Variants in LARGE1 observed in about 807,000 individuals in gnomAD.
LARGE1 encodes the protein LARGE xylosyl- and glucuronyltransferase 1.
LARGE1 carries 43 observed loss-of-function variants against 87.6 expected under a neutral mutation model. The observed-to-expected ratio is 0.49, with a 90% confidence interval of 0.38 to 0.63. LARGE1 has a LOEUF of 0.63. Ranked by LOEUF, LARGE1 falls within the 30% of genes least tolerant of loss-of-function variation. The probability of loss-of-function intolerance (pLI) is 0.00; values close to 1 mark genes in which losing one functional copy is unlikely to be tolerated. For synonymous variants in LARGE1, 434 were observed against 394.6 expected (o/e 1.10, Z -1.18); for missense variants, 802 against 1,000.2 (o/e 0.80, Z 2.67).
rs372362924 is a variant in LARGE1 at position 33,738,841 on chromosome 22, T to C, written c.106+22530A>G. Among the ~76,000 whole-genome samples the C allele has an allele frequency of 9.6e-5, 13 of 135,494 alleles. No homozygotes were observed. In the East Asian group the frequency reaches 2.3e-3, roughly 24 times the overall value. The allele number at this position is 135,494 out of a possible 152,430, so 88.9% of individuals were successfully genotyped here. A position where few individuals can be genotyped will look rare whatever the true frequency, so the allele number is the denominator to read the frequency against. On this transcript the variant is annotated intron_variant, in intron 2 of 14. Coordinates refer to ENST00000397394, the MANE Select transcript of LARGE1 (RefSeq NM_133642.5). ...GCCTGGGTGACAGAGCGAGACTCCG[T>C]CTCAAAAAAAAAAAAAAAAAGAGAG...
intron 2 of LARGE1, among the ~76,000 whole-genome samples, chr22:33,678,113 C>G (rs2081637030): frequency 6.6e-6 from 1 of 152,184 alleles, no homozygotes; most frequent in Non-Finnish European, 1.5e-5. Context: ...GACGTATTTA[C>G]TCAATTCAGA....
intron 1 of LARGE1, among the ~76,000 whole-genome samples, chr22:33,858,279 C>A (rs547676231): frequency 1.3e-5 from 2 of 152,298 alleles, no homozygotes; most frequent in African/African-American, 4.8e-5. Flanking sequence ...AGCGGCAGGT[C>A]TGTGACTGTG....
At chr22:33,383,769 G>A (rs757949240) in intron 8 of LARGE1, among the ~76,000 whole-genome samples, 15 of 152,170 alleles carry the variant, frequency 9.9e-5, no homozygotes, top group Non-Finnish European at 1.9e-4. Context: ...GGAGGCCAGT[G>A]AAACCTTGCC....
At chr22:33,762,329 C>T (rs1228704054) in intron 1 of LARGE1, among the ~76,000 whole-genome samples, 3 of 150,628 alleles carry the variant, frequency 2.0e-5, no homozygotes, top group Admixed American at 2.0e-4. Context: ...CTGAGATGTG[C>T]ATGGACCACT....
chr22:33,757,659 C>CA (rs1374336979), intron 2 of LARGE1, among the ~76,000 whole-genome samples: 1 of 152,134 alleles, frequency 6.6e-6, no homozygotes, highest in Non-Finnish European at 1.5e-5. Context: ...TGATATTAAA[C>CA]AGAGTCAAAA....
At chr22:33,079,330 C>T in the LARGE1 span, among the ~76,000 whole-genome samples, 2 of 150,812 alleles carry the variant, frequency 1.3e-5, no homozygotes, top group Admixed American at 6.6e-5. Flanking sequence ...TGGGTTCACG[C>T]CATTCTCCTG....
intron 7 of LARGE1, among the ~76,000 whole-genome samples, chr22:33,413,082 T>C (rs564766324): frequency 4.6e-5 from 7 of 152,326 alleles, no homozygotes; most frequent in African/African-American, 1.7e-4. Context: ...TCTAGACTAT[T>C]TTTGTCCTTT....
chr22:33,321,082 T>C (rs376974855), intron 10 of LARGE1: 2 of 152,240 alleles, frequency 1.3e-5, no homozygotes, highest in South Asian at 2.1e-4. Flanking sequence ...TTCAGGGTCC[T>C]CAGCTGTAAA....
At chr22:33,246,595 G>A (rs768691552) in intron 11 of LARGE1, among the ~76,000 whole-genome samples, 9 of 152,114 alleles carry the variant, frequency 5.9e-5, no homozygotes, top group Non-Finnish European at 1.0e-4. Context: ...GCAGTGAGCC[G>A]AGATCGCACC....
At chr22:33,785,295 GTA>G (rs913748758) in intron 1 of LARGE1, among the ~76,000 whole-genome samples, 2 of 151,574 alleles carry the variant, frequency 1.3e-5, no homozygotes, top group South Asian at 4.2e-4. Flanking sequence ...GTATATATGT[GTA>G]TATATATACA....
chr22:33,643,997 G>C (rs572092294), intron 3 of LARGE1, among the ~76,000 whole-genome samples: 4 of 152,142 alleles, frequency 2.6e-5, no homozygotes, highest in Non-Finnish European at 5.9e-5. Flanking sequence ...AGAGGAGCTG[G>C]TGCCATTCCT....
intron 1 of LARGE1, among the ~76,000 whole-genome samples, chr22:33,817,123 C>A (rs1335030732): frequency 1.3e-5 from 2 of 152,166 alleles, no homozygotes; most frequent in Admixed American, 1.3e-4. Context: ...TACATACAAT[C>A]AAATATATAC....
Position 33,790,555 on chromosome 22 carries a change from T to C in LARGE1, c.-82-28997A>G, listed in dbSNP as rs182562460. Among the ~76,000 whole-genome samples the C allele has an allele frequency of 3.9e-5, 6 of 152,314 alleles. No individual in the cohort carries two copies. The East Asian group carries it at 1.2e-3, about 29-fold the overall frequency. On this transcript the variant is annotated intron_variant, in intron 1 of 14. Transcript: ENST00000397394. ...CAAAAGCCAATATATATTTGTTAAG[T>C]GAATAAAAGAAAACTAAGATGGTTC...
At chr22:33,348,276 A>AC (rs1300424882) in intron 9 of LARGE1, among the ~76,000 whole-genome samples, 223 of 89,000 alleles carry the variant, frequency 2.5e-3, no homozygotes, top group South Asian at 0.011. Flanking sequence ...CCGCTCCCCC[A>AC]CCCACCCCCC....
intron 11 of LARGE1, among the ~76,000 whole-genome samples, chr22:33,314,624 T>C (rs1935957751): frequency 6.6e-6 from 1 of 152,124 alleles, no homozygotes; most frequent in Non-Finnish European, 1.5e-5. Context: ...CTTAGAACAA[T>C]CCCATGGAAT....
chr22:33,604,158 A>G (rs1228542882), intron 5 of LARGE1, among the ~76,000 whole-genome samples: 1 of 152,152 alleles, frequency 6.6e-6, no homozygotes, highest in Non-Finnish European at 1.5e-5. Flanking sequence ...GCTACCATAG[A>G]CCACTTTCAG....
the LARGE1 span, among the ~76,000 whole-genome samples, chr22:33,130,965 C>T: frequency 7.4e-6 from 1 of 135,728 alleles, no homozygotes; most frequent in African/African-American, 2.8e-5. Context: ...ACCCGGGAGG[C>T]GGAGCTTGCA....
chr22:33,540,666 T>C (rs542210431), intron 6 of LARGE1, among the ~76,000 whole-genome samples: 23 of 152,248 alleles, frequency 1.5e-4, no homozygotes, highest in African/African-American at 4.8e-4. Context: ...TTCAGCATTA[T>C]GTAGGGAGCT....
chr22:33,709,979 GAAAAAAAAAA>G (rs5845106), intron 2 of LARGE1, among the ~76,000 whole-genome samples: 1 of 88,792 alleles, frequency 1.1e-5, no homozygotes, highest in African/African-American at 3.9e-5. Flanking sequence ...TTGCTAGGCA[GAAAAAAAAAA>G]AAAAAAAAAA....
Sources: gnomAD v4.1 joint callset for allele counts (sites outside exome capture counted in the v4.1 genomes callset) on GRCh38, gnomAD v4.1.1 for gene constraint, MANE v1.5 for transcripts, NCBI Gene and HGNC (gene_info 2026-07-23, HGNC 2026-07-21) for gene names.